Variants in ROBO2 observed in about 807,000 individuals in gnomAD.
The protein encoded by ROBO2 is roundabout guidance receptor 2, also known as roundabout homolog 2.
ROBO2 carries 53 observed loss-of-function variants against 160.8 expected under a neutral mutation model. The ratio of observed to expected loss-of-function variants is 0.33; its 90% CI spans 0.26 to 0.41. ROBO2 has a LOEUF of 0.41. Among genes scored for constraint, ROBO2 ranks in the 10% least tolerant of loss-of-function variants. ROBO2 has a pLI of 1.00. For synonymous variants in ROBO2, 664 were observed against 611.7 expected, an observed-to-expected ratio of 1.09 and a Z score of -1.26; for missense variants, 1,577 against 1,722.4, an observed-to-expected ratio of 0.92 and a Z score of 1.49.
At chr3:76,765,093 A>G (rs1167482648) in intron 2 of ROBO2, among the ~76,000 whole-genome samples, 2 of 151,496 alleles carry the variant, frequency 1.3e-5, no homozygotes, top group African/African-American at 4.8e-5. Context: ...TCTAATGTCT[A>G]TTGTTCCACT....
chr3:76,073,267 C>CTTTTTTTTTTTT lies in ROBO2; in HGVS notation c.109+135698_109+135709dup, dbSNP rs869307615. 2.1e-4 allele frequency among the ~76,000 whole-genome samples: 12 copies of CTTTTTTTTTTTT among 57,400 alleles called. 5 individuals are homozygous for CTTTTTTTTTTTT. The highest frequency in any genetic ancestry group is 4.4e-4 in the Admixed American group (2 of 4,548). 37.7% of individuals were successfully genotyped at this position (57,400 alleles called of 152,430 possible). A position where few individuals can be genotyped will look rare whatever the true frequency, so the allele number is the denominator to read the frequency against. On this transcript the variant is annotated intron_variant, in intron 2 of 26. Transcript: ENST00000487694. Reference sequence around the variant, plus strand: ...TTGTAAACTTCTCAGAATGAGTATTCTTTTTTTTTTTTTTTTTTTTTTTTT... The same window carrying CTTTTTTTTTTTT: ...TTGTAAACTTCTCAGAATGAGTATTCTTTTTTTTTTTTTTTTTTTTTTTTTTTTTTTTTTTTT...
At chr3:76,314,558 C>T (rs540900964) in intron 2 of ROBO2, among the ~76,000 whole-genome samples, 2 of 152,134 alleles carry the variant, frequency 1.3e-5, no homozygotes, top group Admixed American at 6.5e-5. Flanking sequence ...ACCCCTGAGA[C>T]AGCAGGACCA....
At chr3:77,235,283 G>T (rs2087794979) in intron 2 of ROBO2, among the ~76,000 whole-genome samples, 1 of 151,932 alleles carries the variant, frequency 6.6e-6, no homozygotes, top group African/African-American at 2.4e-5. Context: ...ATAAAATGAA[G>T]AATTGCTGCC....
chr3:77,551,532 A>T (rs1319339232), intron 8 of ROBO2, among the ~76,000 whole-genome samples: 2 of 152,062 alleles, frequency 1.3e-5, no homozygotes. Context: ...TAACTGAGGC[A>T]CCTACATTCA....
chr3:76,435,140 G>T, intron 2 of ROBO2: 1 of 987,524 alleles, frequency 1.0e-6, no homozygotes, highest in Non-Finnish European at 1.6e-6. Flanking sequence ...AGCTTGGTCT[G>T]GTATTTGATG....
chr3:76,035,430 GT>G (rs961388554), intron 2 of ROBO2, among the ~76,000 whole-genome samples: 11 of 151,662 alleles, frequency 7.3e-5, no homozygotes, highest in Non-Finnish European at 1.5e-4. Context: ...TTGTTTGTTT[GT>G]TTTTTTAATT....
At chr3:76,514,048 T>C (rs1346353940) in intron 2 of ROBO2, among the ~76,000 whole-genome samples, 1 of 152,234 alleles carries the variant, frequency 6.6e-6, no homozygotes, top group African/African-American at 2.4e-5. Flanking sequence ...TCATTGCGTA[T>C]TGTCAGTATG....
intron 2 of ROBO2, among the ~76,000 whole-genome samples, chr3:76,729,235 CT>C (rs3041236): frequency 0.2 from 30,299 of 151,070 alleles, 3,024 homozygotes; most frequent in Non-Finnish European, 0.22. Context: ...GAGTAACTGT[CT>C]TTTTTTTTTT....
At chr3:76,798,965 A>G (rs532382919) in intron 2 of ROBO2, among the ~76,000 whole-genome samples, 1 of 152,052 alleles carries the variant, frequency 6.6e-6, no homozygotes, top group East Asian at 1.9e-4. Context: ...AAAACCATAT[A>G]CAACTTTGGG....
chr3:77,350,794 A>G (rs776061096), intron 2 of ROBO2, among the ~76,000 whole-genome samples: 36 of 152,198 alleles, frequency 2.4e-4, no homozygotes, highest in Non-Finnish European at 4.7e-4. Context: ...GAGGAAGCCC[A>G]GAGGAACAGC....
chr3:75,907,174 G>A (rs1199444516), intron 1 of ROBO2, among the ~76,000 whole-genome samples: 1 of 152,198 alleles, frequency 6.6e-6, no homozygotes, highest in Non-Finnish European at 1.5e-5. Context: ...ATTAGCTTAA[G>A]TGAATGGGGT....
intron 2 of ROBO2, among the ~76,000 whole-genome samples, chr3:76,223,906 T>A (rs1704130402): frequency 1.3e-5 from 2 of 152,230 alleles, no homozygotes; most frequent in Admixed American, 1.3e-4. Flanking sequence ...CAAAGTTATT[T>A]AGCTCTTTAC....
chr3:76,088,911 A>G (rs190258158), intron 2 of ROBO2, among the ~76,000 whole-genome samples: 8 of 152,164 alleles, frequency 5.3e-5, no homozygotes, highest in African/African-American at 1.4e-4. Context: ...GAGAAAATCA[A>G]TGAAACAAAA....
chr3:76,013,592 C>A (rs904125614), intron 2 of ROBO2, among the ~76,000 whole-genome samples: 1 of 146,676 alleles, frequency 6.8e-6, no homozygotes, highest in East Asian at 2.1e-4. Context: ...GTGGTTTGTG[C>A]GTGTAATCCC....
chr3:77,391,967 A>C (rs2074782433), intron 2 of ROBO2, among the ~76,000 whole-genome samples: 1 of 152,114 alleles, frequency 6.6e-6, no homozygotes, highest in African/African-American at 2.4e-5. Flanking sequence ...CTTAATATTT[A>C]AAAATCCTAA....
At chr3:77,610,515 G>C (rs1004229598) in intron 21 of ROBO2, among the ~76,000 whole-genome samples, 1 of 151,938 alleles carries the variant, frequency 6.6e-6, no homozygotes. Flanking sequence ...TAGAAGTTAA[G>C]TTTTGAGGTG....
In ROBO2 at chr3:77,568,388, A is replaced by G. The variant is rs1412214872; in HGVS notation, c.1925A>G (p.His642Arg). The stretch of plus-strand genomic sequence containing the variant: ...CTAGGAGATGTCCTTGTCCGTCTTC[A>G]TAATCCAGTTGTGCTGACTCCCACC... Residue 642 changes from histidine to arginine, a missense_variant, in exon 13 of 26, where the codon CAT (histidine) becomes CGT (arginine). This residue lies in a region of ROBO2 where 940 missense variants were observed against 1,135.5 expected (regional missense o/e 0.83). Coordinates refer to ENST00000461745, the Ensembl canonical transcript of ROBO2. The G allele has an allele frequency of 3.1e-6, 5 of 1,612,976 alleles. No homozygotes were observed. The highest frequency in any genetic ancestry group is 4.2e-6 in the Non-Finnish European group (5 of 1,179,370).
intron 2 of ROBO2, among the ~76,000 whole-genome samples, chr3:76,814,532 T>C (rs2065492987): frequency 6.6e-6 from 1 of 152,102 alleles, no homozygotes; most frequent in South Asian, 2.1e-4. Flanking sequence ...CAGCTAAACG[T>C]GGTTTGTGCA....
At chr3:75,909,107 C>T (rs1428109546) in intron 1 of ROBO2, among the ~76,000 whole-genome samples, 1 of 152,188 alleles carries the variant, frequency 6.6e-6, no homozygotes, top group African/African-American at 2.4e-5. Context: ...TATGTGACCA[C>T]ATTCATAAAA....
Sources: gnomAD v4.1 joint callset for allele counts (sites outside exome capture counted in the v4.1 genomes callset) on GRCh38, gnomAD v4.1.1 for gene constraint, gnomAD v4.1.1 regional missense constraint, MANE v1.5 for transcripts, NCBI Gene and HGNC (gene_info 2026-07-23, HGNC 2026-07-21) for gene names.